The following ZC3H12B variants were observed in gnomAD, a reference collection of about 807,000 sequenced individuals.
ZC3H12B encodes zinc finger CCCH-type containing 12B, also known as probable ribonuclease ZC3H12B.
In ZC3H12B, 7 loss-of-function variants were observed where a neutral mutation model predicts 43.9. That is an observed-to-expected ratio of 0.16 (90% CI 0.09 to 0.30). ZC3H12B has a LOEUF of 0.30. Ranked by LOEUF, ZC3H12B falls within the 10% of genes least tolerant of loss-of-function variation. The probability of loss-of-function intolerance (pLI) is 1.00; values close to 1 mark genes in which losing one functional copy is unlikely to be tolerated. For synonymous variants in ZC3H12B, 222 were observed against 241.7 expected (o/e 0.92, Z 0.76); for missense variants, 475 against 670.2 (o/e 0.71, Z 3.22).
the ZC3H12B span, among the ~76,000 whole-genome samples, chrX:65,213,180 C>T: frequency 9.2e-6 from 1 of 109,176 alleles, no homozygotes; most frequent in Non-Finnish European, 1.9e-5. Flanking sequence ...CTAATTGTTG[C>T]TTTTTATTCA....
Position 65,372,387 on chromosome X carries a change from A to G in ZC3H12B, n.295+3389A>G, listed in dbSNP as rs182738158. Among the ~76,000 whole-genome samples, 7 of 110,929 alleles carry G rather than the reference A, an allele frequency of 6.3e-5. No homozygotes were observed. The Admixed American group carries it at 6.8e-4, about 11-fold the overall frequency. The stretch of plus-strand genomic sequence containing the variant: ...GTTGGGGAAGCAACAGAGGTTTAAG[A>G]TAAGTGCACTGACATCATGGGGCTT... On this transcript the variant is annotated intron_variant and non_coding_transcript_variant, in intron 2 of 5. Transcript: ENST00000617377.
At chrX:65,479,404 G>C (rs1602512744) in intron 3 of ZC3H12B, among the ~76,000 whole-genome samples, 1 of 91,025 alleles carries the variant, frequency 1.1e-5, no homozygotes, top group African/African-American at 4.1e-5. Flanking sequence ...TTTCACCCTT[G>C]TTGCCCAGGC....
At chrX:65,350,426 A>T in the ZC3H12B span, among the ~76,000 whole-genome samples, 25 of 111,880 alleles carry the variant, frequency 2.2e-4, no homozygotes, top group South Asian at 9.3e-3. Context: ...AAAGACAAGG[A>T]TGCTCTCTCT....
the ZC3H12B span, among the ~76,000 whole-genome samples, chrX:65,063,980 A>G: frequency 8.9e-6 from 1 of 112,000 alleles, no homozygotes; most frequent in South Asian, 3.7e-4. Context: ...GGTAGATTGT[A>G]TGTGTGTAGG....
chrX:65,219,982 A>C, the ZC3H12B span, among the ~76,000 whole-genome samples: 2 of 111,273 alleles, frequency 1.8e-5, no homozygotes, highest in African/African-American at 6.5e-5. Context: ...TATACAGAAA[A>C]ACCTATAAAA....
At chrX:65,280,839 A>T in the ZC3H12B span, among the ~76,000 whole-genome samples, 2 of 111,942 alleles carry the variant, frequency 1.8e-5, no homozygotes, top group Non-Finnish European at 3.8e-5. Context: ...AGGAGGTGAA[A>T]GACTACATGG....
At chrX:65,093,180 G>A in the ZC3H12B span, among the ~76,000 whole-genome samples, 2 of 111,536 alleles carry the variant, frequency 1.8e-5, no homozygotes, top group Non-Finnish European at 3.8e-5. Context: ...CAGAATCCGA[G>A]TTGAGGCTTG....
intron 3 of ZC3H12B, chrX:65,408,149 G>A: frequency 8.3e-7 from 1 of 1,200,494 alleles, no homozygotes; most frequent in Non-Finnish European, 1.1e-6. Flanking sequence ...GTTCAGTATC[G>A]CGGAGTCCCT....
the ZC3H12B span, among the ~76,000 whole-genome samples, chrX:65,226,072 G>A: frequency 9.0e-6 from 1 of 111,320 alleles, no homozygotes; most frequent in Non-Finnish European, 1.9e-5. Flanking sequence ...ACACATAATT[G>A]TCAGATTCAC....
the ZC3H12B span, chrX:65,356,938 A>G: frequency 2.3e-6 from 1 of 435,149 alleles, no homozygotes; most frequent in South Asian, 2.6e-5. Context: ...CTAAACTCCC[A>G]CAGGCTGTAA....
intron 2 of ZC3H12B, among the ~76,000 whole-genome samples, chrX:65,374,342 C>T (rs2066315491): frequency 1.0e-5 from 1 of 97,624 alleles, no homozygotes; most frequent in African/African-American, 3.8e-5. Flanking sequence ...ACCTGGGTGA[C>T]AGGATCAATC....
At chrX:65,062,621 T>G in the ZC3H12B span, among the ~76,000 whole-genome samples, 2 of 112,057 alleles carry the variant, frequency 1.8e-5, no homozygotes, top group Non-Finnish European at 3.8e-5. Context: ...TCTTTTGGCT[T>G]AGGATTGTCT....
chrX:65,436,183 C>A (rs765922620), intron 3 of ZC3H12B, among the ~76,000 whole-genome samples: 9 of 111,864 alleles, frequency 8.0e-5, no homozygotes, highest in Non-Finnish European at 1.1e-4. Flanking sequence ...TTTCAAACAA[C>A]CAGATCTTGT....
the ZC3H12B span, among the ~76,000 whole-genome samples, chrX:65,119,062 G>A: frequency 5.4e-5 from 6 of 111,007 alleles, no homozygotes; most frequent in South Asian, 2.3e-3. Flanking sequence ...TTGGACATTT[G>A]GGTTGGTTCC....
chrX:65,393,541 C>T (rs868192992), intron 2 of ZC3H12B, among the ~76,000 whole-genome samples: 1 of 111,616 alleles, frequency 9.0e-6, no homozygotes, highest in Non-Finnish European at 1.9e-5. Context: ...TGAGTGAGAA[C>T]GTGCAGTGTT....
At chrX:65,060,534 G>A in the ZC3H12B span, among the ~76,000 whole-genome samples, 92 of 112,040 alleles carry the variant, frequency 8.2e-4, no homozygotes, top group African/African-American at 2.5e-3. Flanking sequence ...CCATCCTTGC[G>A]TCACAGGGAT....
the ZC3H12B span, among the ~76,000 whole-genome samples, chrX:65,146,668 C>T: frequency 7.2e-5 from 8 of 111,450 alleles, no homozygotes; most frequent in Admixed American, 3.8e-4. Context: ...TTATGAAGTA[C>T]TCTCCCCCTT....
At chrX:65,092,487 A>T in the ZC3H12B span, among the ~76,000 whole-genome samples, 4 of 111,912 alleles carry the variant, frequency 3.6e-5, no homozygotes, top group East Asian at 8.5e-4. Context: ...GCTGACAGTG[A>T]AGGCCAGGCT....
chrX:65,253,839 G>A, the ZC3H12B span, among the ~76,000 whole-genome samples: 5 of 112,047 alleles, frequency 4.5e-5, no homozygotes, highest in East Asian at 5.6e-4. Flanking sequence ...CAGCCTCCCC[G>A]AAGCTGTTTT....
Sources: allele counts gnomAD v4.1 joint callset (sites outside exome capture counted in the v4.1 genomes callset), GRCh38; gene constraint gnomAD v4.1.1; transcripts MANE v1.5; gene names NCBI Gene and HGNC (gene_info 2026-07-23, HGNC 2026-07-21).